DGKZ: variants seen among roughly 807,000 people sequenced by gnomAD.
The protein encoded by DGKZ is diacylglycerol kinase zeta.
DGKZ carries 45 observed loss-of-function variants against 142.5 expected under a neutral mutation model. That is an observed-to-expected ratio of 0.32 (90% CI 0.25 to 0.40). DGKZ has a LOEUF of 0.40. DGKZ is among the 10% of genes least tolerant of loss of function. The pLI is 1.00. For synonymous variants in DGKZ, 442 were observed against 527.0 expected, an observed-to-expected ratio of 0.84 and a Z score of 2.21; for missense variants, 755 against 1,306.5, an observed-to-expected ratio of 0.58 and a Z score of 6.51.
At chr11:46,334,826 G>T (rs904482979) in intron 1 of DGKZ, among the ~76,000 whole-genome samples, 1 of 152,194 alleles carries the variant, frequency 6.6e-6, no homozygotes, top group African/African-American at 2.4e-5. Flanking sequence ...GGGACTCACA[G>T]GGGATGCAGC....
chr11:46,375,192 C>G, intron 19 of DGKZ, 147 bp downstream of exon 19: 1 of 857,400 alleles, frequency 1.2e-6, no homozygotes, highest in Non-Finnish European at 1.8e-6. Flanking sequence ...GCGGCACCTA[C>G]CCCCTCTCCT....
chr11:46,374,508 G>A (rs911870608), intron 16 of DGKZ, 54 bp downstream of exon 16: 63 of 1,613,296 alleles, frequency 3.9e-5, no homozygotes, highest in Admixed American at 1.8e-4. Context: ...ACCCGTGCCC[G>A]TGCCCACCTG....
chr11:46,376,501 C>T, intron 23 of DGKZ, 23 bp from the exon 24 acceptor site: 1 of 1,613,764 alleles, frequency 6.2e-7, no homozygotes, highest in Non-Finnish European at 8.5e-7. Flanking sequence ...CTCCCTGATC[C>T]TCAGCTGCCC....
intron 1 of DGKZ, chr11:46,366,879 C>T (rs1232171996): frequency 1.9e-6 from 3 of 1,548,326 alleles, no homozygotes; most frequent in Admixed American, 3.8e-5. Context: ...TCAGGCACCA[C>T]CGCCGGCACC....
In DGKZ at chr11:46,347,566, T is replaced by A; in HGVS notation, c.-94T>A. On this transcript the variant is annotated 5_prime_UTR_variant, in exon 1 of 31. Transcript: ENST00000527911. This position sits in a 1 kb window ranked among gnomAD's most constrained non-coding sequence, Gnocchi z 6.4. Reference sequence around the variant, plus strand: ...GCGGAGCGAGCGCGCGCCATGGAGGTGGCGGGCGGCGCGGAGCGGGCGTGC... The same window carrying A: ...GCGGAGCGAGCGCGCGCCATGGAGGAGGCGGGCGGCGCGGAGCGGGCGTGC... 1 of 1,049,528 alleles carries A rather than the reference T, an allele frequency of 9.5e-7. No individual in the cohort carries two copies. Among genetic ancestry groups the A allele is most frequent in the Non-Finnish European group, 1.1e-6 (1 of 873,754 alleles). 65.0% of individuals were successfully genotyped at this position (1,049,528 alleles called of 1,614,324 possible). A position where few individuals can be genotyped will look rare whatever the true frequency, so the allele number is the denominator to read the frequency against.
intron 1 of DGKZ, chr11:46,338,450 C>A (rs571004546): frequency 7.0e-6 from 1 of 142,596 alleles, no homozygotes; most frequent in African/African-American, 2.6e-5. Context: ...AAGCCAACAT[C>A]GCGCCACTGC....
intron 25 of DGKZ, 52 bp from the exon 26 acceptor site, chr11:46,378,146 G>C (rs1029510626): frequency 1.9e-6 from 3 of 1,584,754 alleles, no homozygotes; most frequent in African/African-American, 1.3e-5. Flanking sequence ...TGGGGAGGGC[G>C]ACCAGCTGGC....
rs201764443 is a variant in DGKZ at position 46,377,229 on chromosome 11, C to T, written c.2342+17C>T. The T allele has an allele frequency of 1.7e-5, 26 of 1,571,912 alleles. No homozygotes were observed. In the East Asian group the frequency reaches 3.8e-4, roughly 23 times the overall value. On this transcript the variant is annotated intron_variant, in intron 25 of 30. Transcript: ENST00000527911. ...CACGCCCCGGTGAGTCCTGGTGTCC[C>T]GTCCCTCCAGCCCCTGGCTTTCAGC...
chr11:46,371,659 C>T (rs200852628), intron 8 of DGKZ, 45 bp from the exon 9 acceptor site: 172 of 1,613,804 alleles, frequency 1.1e-4, no homozygotes, highest in African/African-American at 6.1e-4. Context: ...TGCCAGCTAC[C>T]CCAGCCTGCC....
chr11:46,335,453 A>G (rs558405483), intron 1 of DGKZ, among the ~76,000 whole-genome samples: 12 of 151,104 alleles, frequency 7.9e-5, no homozygotes, highest in Non-Finnish European at 1.3e-4. Flanking sequence ...ACACACACAC[A>G]CGCACACAGC....
chr11:46,337,831 T>C (rs1478932993), intron 1 of DGKZ, among the ~76,000 whole-genome samples: 1 of 151,862 alleles, frequency 6.6e-6, no homozygotes, highest in African/African-American at 2.4e-5. Context: ...GATGACTCAC[T>C]GGGATGTGGC....
chr11:46,349,199 C>T (rs932205320), intron 1 of DGKZ, among the ~76,000 whole-genome samples: 11 of 152,246 alleles, frequency 7.2e-5, no homozygotes, highest in African/African-American at 2.4e-4. Context: ...TGTGTTACCA[C>T]GCAGGCTTCA....
At chr11:46,364,467 G>A (rs1943038974) in intron 1 of DGKZ, 1 of 1,269,600 alleles carries the variant, frequency 7.9e-7, no homozygotes, top group Non-Finnish European at 1.0e-6. Flanking sequence ...TCCGGCCCAG[G>A]TGGTCTGCTT....
At chr11:46,373,446 C>T (rs184017183) in intron 14 of DGKZ, among the ~76,000 whole-genome samples, 7 of 150,772 alleles carry the variant, frequency 4.6e-5, no homozygotes, top group Admixed American at 2.6e-4. Flanking sequence ...GCCACCACAC[C>T]TGGCTAATTT....
intron 1 of DGKZ, among the ~76,000 whole-genome samples, chr11:46,334,704 C>G (rs975609688): frequency 6.6e-6 from 1 of 152,052 alleles, no homozygotes; most frequent in African/African-American, 2.4e-5. Flanking sequence ...GTGGGTACAC[C>G]GGGCTCCATT....
chr11:46,341,334 A>G (rs1940267223), intron 1 of DGKZ, among the ~76,000 whole-genome samples: 1 of 152,248 alleles, frequency 6.6e-6, no homozygotes, highest in African/African-American at 2.4e-5. Flanking sequence ...TTTGTAAGGA[A>G]GCAAGACTAA....
In DGKZ at chr11:46,333,556, A is replaced by G. The variant is rs1191355114; in HGVS notation, c.212+69A>G. 3.5e-6 allele frequency: 5 copies of G among 1,414,374 alleles called. No homozygotes were observed. In the African/African-American group the frequency reaches 7.3e-5, roughly 21 times the overall value. The allele number at this position is 1,414,374 out of a possible 1,614,324, so 87.6% of individuals were successfully genotyped here. A position where few individuals can be genotyped will look rare whatever the true frequency, so the allele number is the denominator to read the frequency against. Reference sequence around the variant, plus strand: ...CCCCTCTTGCAGGCGTCATTGCACAAACGTTTATTGTGCGCCCGCCGCCTG... The same window carrying G: ...CCCCTCTTGCAGGCGTCATTGCACAGACGTTTATTGTGCGCCCGCCGCCTG... On this transcript the variant is annotated intron_variant, in intron 1 of 30. Transcript: ENST00000343674.
chr11:46,370,887 C>T (rs1943871925), intron 6 of DGKZ, among the ~76,000 whole-genome samples: 1 of 152,072 alleles, frequency 6.6e-6, no homozygotes, highest in Admixed American at 6.5e-5. Context: ...AATTCGAGAC[C>T]AGCCTGGCTA....
Position 46,378,242 on chromosome 11 carries a change from C to T in DGKZ, c.2374+13C>T, listed in dbSNP as rs567402245. 1 of 1,601,720 alleles carries T rather than the reference C, an allele frequency of 6.2e-7. No individual in the cohort carries two copies. Among genetic ancestry groups the T allele is most frequent in the Non-Finnish European group, 8.5e-7 (1 of 1,174,478 alleles). On this transcript the variant is annotated intron_variant, in intron 26 of 30. Transcript: ENST00000527911. Reference sequence around the variant, plus strand: ...GCACCCCCTCAAGGTGAGGCCTCTCCCTCTGGGGCCCCTCCTTTCTGCCTG... The same window carrying T: ...GCACCCCCTCAAGGTGAGGCCTCTCTCTCTGGGGCCCCTCCTTTCTGCCTG...
Sources: allele counts gnomAD v4.1 joint callset (sites outside exome capture counted in the v4.1 genomes callset), GRCh38; gene constraint gnomAD v4.1.1; non-coding constraint Gnocchi (gnomAD v3.1); transcripts MANE v1.5; gene names NCBI Gene and HGNC (gene_info 2026-07-23, HGNC 2026-07-21).